Variants in SNRNP40 observed in about 807,000 individuals in gnomAD.
SNRNP40 encodes small nuclear ribonucleoprotein U5 subunit 40, also known as U5 small nuclear ribonucleoprotein 40 kDa protein.
A neutral mutation model predicts 45.8 loss-of-function variants in SNRNP40; 21 were observed. The observed-to-expected ratio is 0.46, with a 90% confidence interval of 0.32 to 0.66. The LOEUF is 0.66. Ranked by LOEUF, SNRNP40 falls within the 30% of genes least tolerant of loss-of-function variation. The pLI, the probability that SNRNP40 is intolerant of heterozygous loss-of-function variation, is 0.03. For synonymous variants in SNRNP40, 142 were observed against 163.8 expected, an observed-to-expected ratio of 0.87 and a Z score of 1.01; for missense variants, 344 against 439.1, an observed-to-expected ratio of 0.78 and a Z score of 1.94.
chr1:31,293,457 G>C, intron 1 of SNRNP40, 109 bp from the exon 2 acceptor site: 2 of 1,115,580 alleles, frequency 1.8e-6, no homozygotes, highest in Non-Finnish European at 2.5e-6. Flanking sequence ...GATTAAGTGG[G>C]TTTCATCTGA....
rs1179580748 is a variant in SNRNP40, at chr1:31,296,612, G to A, written c.140C>T (p.Ala47Val). The A allele has an allele frequency of 1.2e-6, 2 of 1,608,722 alleles. No homozygotes were observed. The highest frequency in any genetic ancestry group is 1.7e-5 in the Admixed American group (1 of 58,436). Residue 47 changes from alanine to valine, a missense_variant and splice_region_variant, in exon 1 of 10, where the codon GCG becomes GTG. Transcript: ENST00000263694. The stretch of plus-strand genomic sequence containing the variant: ...AAGGCCGCCTGCTTCTTCACTTACC[G>A]CTTGCAGCAAGGCTCCCGGCGTCGC... ...QQATPGALLQAGPPRCSSLQA... is the reference protein window; with the variant it reads ...QQATPGALLQVGPPRCSSLQA...
chr1:31,278,843 T>C (rs1420741409), intron 5 of SNRNP40, among the ~76,000 whole-genome samples: 1 of 152,028 alleles, frequency 6.6e-6, no homozygotes, highest in African/African-American at 2.4e-5. Context: ...TCTTGGGGAA[T>C]GTACACAGCG....
At position 31,271,515 on chromosome 1, in the gene SNRNP40, G is replaced by A; in HGVS notation, c.655-16C>T. On this transcript the variant is annotated splice_polypyrimidine_tract_variant and intron_variant, in intron 5 of 9. Coordinates refer to ENST00000263694, the MANE Select transcript of SNRNP40 (RefSeq NM_004814.3). ...GGTCCCAGACCTGCAAAAACAGAAAGGTGCCCCCAGAAATCAAATTAATAA... is the reference window on the plus strand; with the variant it reads ...GGTCCCAGACCTGCAAAAACAGAAAAGTGCCCCCAGAAATCAAATTAATAA... 1 of 1,592,714 alleles carries A rather than the reference G, an allele frequency of 6.3e-7. No individual in the cohort carries two copies. Among genetic ancestry groups the A allele is most frequent in the East Asian group, 2.2e-5 (1 of 44,772 alleles).
chr1:31,261,208 G>T (rs949857911), intron 9 of SNRNP40: 7 of 358,124 alleles, frequency 2.0e-5, no homozygotes, highest in African/African-American at 1.5e-4. Flanking sequence ...AAAATTAGCT[G>T]GGCATGGTGG....
chr1:31,279,992 C>G (rs1257868662), intron 5 of SNRNP40, among the ~76,000 whole-genome samples: 18 of 150,208 alleles, frequency 1.2e-4, no homozygotes, highest in Admixed American at 2.7e-4. Context: ...CCTGTAATCC[C>G]AGCTACTCAG....
intron 8 of SNRNP40, among the ~76,000 whole-genome samples, chr1:31,265,615 C>T (rs879686989): frequency 1.3e-5 from 2 of 152,166 alleles, no homozygotes; most frequent in East Asian, 1.9e-4. Context: ...CCGAGGCAGG[C>T]GGATCATGAG....
chr1:31,295,858 A>C (rs755518280), intron 1 of SNRNP40, among the ~76,000 whole-genome samples: 3 of 152,264 alleles, frequency 2.0e-5, no homozygotes, highest in Non-Finnish European at 4.4e-5. Flanking sequence ...AGAAGTAGCA[A>C]TTCTAGACCT....
chr1:31,295,128 G>A (rs957340371), intron 1 of SNRNP40, among the ~76,000 whole-genome samples: 1 of 152,078 alleles, frequency 6.6e-6, no homozygotes, highest in African/African-American at 2.4e-5. Flanking sequence ...GGTGGCTCAT[G>A]CCTGTAATCT....
chr1:31,278,328 G>T (rs908974026), intron 5 of SNRNP40, among the ~76,000 whole-genome samples: 3 of 152,162 alleles, frequency 2.0e-5, no homozygotes, highest in Non-Finnish European at 4.4e-5. Context: ...GAGTATTATT[G>T]TTAGGTTAGT....
intron 4 of SNRNP40, among the ~76,000 whole-genome samples, chr1:31,288,863 C>A (rs1646081275): frequency 1.3e-5 from 2 of 152,182 alleles, no homozygotes; most frequent in South Asian, 4.1e-4. Context: ...TCCCAAGCAA[C>A]TGGAACTACA....
At chr1:31,295,422 G>A (rs932751497) in intron 1 of SNRNP40, among the ~76,000 whole-genome samples, 2 of 152,200 alleles carry the variant, frequency 1.3e-5, no homozygotes, top group African/African-American at 4.8e-5. Flanking sequence ...AGGGTGGTCA[G>A]GAAAATCCTC....
chr1:31,294,757 T>C (rs945517088), intron 1 of SNRNP40, among the ~76,000 whole-genome samples: 1 of 151,746 alleles, frequency 6.6e-6, no homozygotes, highest in African/African-American at 2.4e-5. Flanking sequence ...CTGACCAACA[T>C]GGTGAAACTC....
chr1:31,288,762 A>G (rs4949378), intron 4 of SNRNP40, among the ~76,000 whole-genome samples: 83,787 of 151,316 alleles, frequency 0.55, 23,888 homozygotes, highest in Non-Finnish European at 0.63. Context: ...TTTTTGAGAC[A>G]GAGTCTCGCT....
chr1:31,280,089 G>C (rs1220483918), intron 5 of SNRNP40, among the ~76,000 whole-genome samples: 1 of 138,516 alleles, frequency 7.2e-6, no homozygotes, highest in African/African-American at 2.7e-5. Context: ...ACTCCAGCCT[G>C]GGCTACAGAG....
chr1:31,263,668 A>AT, intron 8 of SNRNP40: 1 of 448,754 alleles, frequency 2.2e-6, no homozygotes, highest in Non-Finnish European at 4.4e-6. Context: ...GTACTTCTGT[A>AT]TAACTGATAT....
intron 5 of SNRNP40, among the ~76,000 whole-genome samples, chr1:31,279,828 G>A (rs1002310671): frequency 1.1e-4 from 17 of 151,594 alleles, no homozygotes; most frequent in Non-Finnish European, 1.9e-4. Context: ...CTACCTTTAG[G>A]CCGGGCACGG....
chr1:31,261,559 C>T lies in SNRNP40; in HGVS notation c.994G>A (p.Glu332Lys). ...GGCTCATCAGGGTGGAAAGCCACTT[C>T]ATTGATGGAGCCAGCATGGCCGGGC... ...KLPGHAGSIN[E>K]VAFHPDEPII... The change falls in exon 9 of 10, where the codon GAA becomes AAA. Residue 332 changes from glutamate (E) to lysine (K), a missense_variant. This residue lies in a region of SNRNP40 where 254 missense variants were observed against 380.2 expected (regional missense o/e 0.67). Transcript: ENST00000263694. 6.2e-7 allele frequency: 1 copy of T among 1,614,014 alleles called. No homozygotes were observed. The highest frequency in any genetic ancestry group is 8.5e-7 in the Non-Finnish European group (1 of 1,179,884).
intron 6 of SNRNP40, 129 bp downstream of exon 6, chr1:31,271,250 G>A: frequency 1.1e-6 from 1 of 913,230 alleles, no homozygotes; most frequent in Non-Finnish European, 1.7e-6. Context: ...TGAGACTACA[G>A]TCCTAGATTC....
At chr1:31,282,617 T>TCTATCTA (rs1557678158) in intron 4 of SNRNP40, 1 of 132,700 alleles carries the variant, frequency 7.5e-6, no homozygotes, top group African/African-American at 2.8e-5. Flanking sequence ...CTATCTATCT[T>TCTATCTA]TCTATCATCT....
Sources: allele counts gnomAD v4.1 joint callset (sites outside exome capture counted in the v4.1 genomes callset), GRCh38; gene constraint gnomAD v4.1.1; regional missense constraint gnomAD v4.1.1; transcripts MANE v1.5; gene names NCBI Gene and HGNC (gene_info 2026-07-23, HGNC 2026-07-21).